F9: variants seen among roughly 807,000 people sequenced by gnomAD.
F9 encodes the protein coagulation factor IX.
A neutral mutation model predicts 34.1 loss-of-function variants in F9; 2 were observed. That is an observed-to-expected ratio of 0.06 (90% CI 0.02 to 0.18). F9 has a LOEUF of 0.18. F9 is among the 10% of genes least tolerant of loss of function. F9 has a pLI of 1.00. For synonymous variants in F9, 137 were observed against 118.8 expected, an observed-to-expected ratio of 1.15 and a Z score of -1.00; for missense variants, 216 against 345.1, an observed-to-expected ratio of 0.63 and a Z score of 2.96.
intron 1 of F9, among the ~76,000 whole-genome samples, chrX:139,533,602 C>T (rs1927392018): frequency 8.9e-6 from 1 of 112,122 alleles, no homozygotes; most frequent in Non-Finnish European, 1.9e-5. Flanking sequence ...GTAGTTACAG[C>T]CACGTGTGTG....
intron 6 of F9, among the ~76,000 whole-genome samples, chrX:139,556,128 C>T (rs1927963268): frequency 9.1e-6 from 1 of 110,259 alleles, no homozygotes; most frequent in Non-Finnish European, 1.9e-5. Flanking sequence ...CGGTGTGTGG[C>T]GTATTTATTC....
chrX:139,550,985 A>C, intron 5 of F9, 77 bp from the exon 6 acceptor site: 1 of 930,132 alleles, frequency 1.1e-6, no homozygotes, highest in South Asian at 2.1e-5. Flanking sequence ...GATGGGCCTC[A>C]ATCTCAATTT....
At chrX:139,561,246 T>G (rs891094571) in intron 7 of F9, among the ~76,000 whole-genome samples, 1 of 111,676 alleles carries the variant, frequency 9.0e-6, no homozygotes, top group African/African-American at 3.3e-5. Flanking sequence ...TACTTGAAAT[T>G]TGGAAAATCT....
At chrX:139,551,970 G>A (rs1165221798) in intron 6 of F9, among the ~76,000 whole-genome samples, 2 of 111,458 alleles carry the variant, frequency 1.8e-5, no homozygotes, top group East Asian at 2.8e-4. Flanking sequence ...CGGGAGGATT[G>A]CTTAAACCCA....
intron 1 of F9, among the ~76,000 whole-genome samples, chrX:139,534,322 G>T (rs1299583935): frequency 8.9e-6 from 1 of 111,972 alleles, no homozygotes. Flanking sequence ...ATTTACATTT[G>T]ACAAAGTTAA....
At chrX:139,541,286 A>G (rs961814451) in intron 4 of F9, 97 bp downstream of exon 4, 5 of 526,235 alleles carry the variant, frequency 9.5e-6, no homozygotes, top group Non-Finnish European at 1.6e-5. Context: ...AATTTTTCTT[A>G]AAAACATACC....
intron 3 of F9, among the ~76,000 whole-genome samples, chrX:139,540,718 A>C (rs1220534011): frequency 8.9e-6 from 1 of 111,860 alleles, no homozygotes; most frequent in Non-Finnish European, 1.9e-5. Context: ...TTTGACTTGG[A>C]ATTAACTCTG....
chrX:139,544,666 A>G (rs1176908273), intron 4 of F9: 1 of 111,859 alleles, frequency 8.9e-6, no homozygotes, highest in African/African-American at 3.3e-5. Flanking sequence ...TTATTTATTA[A>G]CATGTGCAAT....
At chrX:139,550,428 A>G (rs1328538357) in intron 5 of F9, among the ~76,000 whole-genome samples, 1 of 112,129 alleles carries the variant, frequency 8.9e-6, no homozygotes, top group African/African-American at 3.2e-5. Context: ...CAGTGTATCA[A>G]TACATTATTT....
intron 4 of F9, among the ~76,000 whole-genome samples, chrX:139,546,379 A>G (rs765296794): frequency 2.7e-4 from 30 of 111,961 alleles, no homozygotes; most frequent in Non-Finnish European, 4.3e-4. Context: ...GTAATTTCTA[A>G]AGACTTCCAG....
chrX:139,531,865 T>TA (rs201797372), intron 1 of F9, among the ~76,000 whole-genome samples: 125 of 109,822 alleles, frequency 1.1e-3, no homozygotes, highest in African/African-American at 3.3e-3. Flanking sequence ...GAAATAACGA[T>TA]AAAAAAAAAT....
chrX:139,536,421 T>C (rs1191842970), intron 1 of F9, among the ~76,000 whole-genome samples: 1 of 109,932 alleles, frequency 9.1e-6, no homozygotes, highest in African/African-American at 3.3e-5. Context: ...AAAAAACATA[T>C]CCTGAATTCT....
At chrX:139,532,150 C>T (rs1286921963) in intron 1 of F9, among the ~76,000 whole-genome samples, 1 of 111,311 alleles carries the variant, frequency 9.0e-6, no homozygotes, top group African/African-American at 3.3e-5. Flanking sequence ...TAATGACTAG[C>T]GATAAACCTG....
intron 1 of F9, among the ~76,000 whole-genome samples, chrX:139,536,202 C>T (rs868292793): frequency 2.0e-4 from 13 of 63,835 alleles, no homozygotes; most frequent in Non-Finnish European, 3.8e-4. Flanking sequence ...TATATGTATA[C>T]ATATATACAC....
At chrX:139,549,721 A>T (rs1271596859) in intron 5 of F9, among the ~76,000 whole-genome samples, 1 of 112,200 alleles carries the variant, frequency 8.9e-6, no homozygotes, top group Non-Finnish European at 1.9e-5. Context: ...TAAACCCACA[A>T]CCTTCCAGTG....
chrX:139,550,925 T>C lies in F9; in HGVS notation c.521-137T>C. 2.2e-5 allele frequency: 11 copies of C among 501,532 alleles called. No individual in the cohort carries two copies. The South Asian group carries it at 3.5e-4, about 16-fold the overall frequency. 41.3% of individuals were successfully genotyped at this position (501,532 alleles called of 1,213,427 possible). A position where few individuals can be genotyped will look rare whatever the true frequency, so the allele number is the denominator to read the frequency against. ...CCTTTTAGCTTGAGACTCTATTCAC[T>C]GATTAGATTTTTTTAAATACTGATG... On this transcript the variant is annotated intron_variant, in intron 5 of 7. Coordinates refer to ENST00000218099, the MANE Select transcript of F9 (RefSeq NM_000133.4).
At chrX:139,542,733 G>A (rs1298526177) in intron 4 of F9, among the ~76,000 whole-genome samples, 1 of 111,692 alleles carries the variant, frequency 9.0e-6, no homozygotes, top group Non-Finnish European at 1.9e-5. Flanking sequence ...GTAAATATAA[G>A]CACAAAACTT....
rs865872265 is a variant in F9, at chrX:139,562,909, A to G, written c.*838A>G. The G allele has an allele frequency of 1.0e-5, 1 of 95,807 alleles. No homozygotes were observed. The highest frequency in any genetic ancestry group is 3.8e-5 in the African/African-American group (1 of 26,656). 7.9% of individuals were successfully genotyped at this position (95,807 alleles called of 1,213,427 possible). A position where few individuals can be genotyped will look rare whatever the true frequency, so the allele number is the denominator to read the frequency against. The stretch of plus-strand genomic sequence containing the variant: ...CAATATAAATATATAGTGTGTGTGT[A>G]TGCGTGTGTGTAGACACACACGCAT... On this transcript the variant is annotated 3_prime_UTR_variant, in exon 8 of 8. Transcript: ENST00000218099.
chrX:139,550,194 A>C (rs1226565418), intron 5 of F9, among the ~76,000 whole-genome samples: 1 of 112,376 alleles, frequency 8.9e-6, no homozygotes, highest in African/African-American at 3.2e-5. Flanking sequence ...TTTCAATGAT[A>C]AAGGTCCCTT....
Sources: allele counts gnomAD v4.1 joint callset (sites outside exome capture counted in the v4.1 genomes callset), GRCh38; gene constraint gnomAD v4.1.1; transcripts MANE v1.5; gene names NCBI Gene and HGNC (gene_info 2026-07-23, HGNC 2026-07-21).